Variants in TBC1D5 observed in about 807,000 individuals in gnomAD.
The protein encoded by TBC1D5 is TBC1 domain family, member 5.
In TBC1D5, 75 loss-of-function variants were observed where a neutral mutation model predicts 100.3. The ratio of observed to expected loss-of-function variants is 0.75; its 90% CI spans 0.62 to 0.91. The LOEUF (loss-of-function observed/expected upper bound fraction) is 0.91. TBC1D5 is among the 40% of genes least tolerant of loss of function. The pLI, the probability that TBC1D5 is intolerant of heterozygous loss-of-function variation, is 0.00. For synonymous variants in TBC1D5, 323 were observed against 325.6 expected, an observed-to-expected ratio of 0.99 and a Z score of 0.09; for missense variants, 910 against 942.4, an observed-to-expected ratio of 0.97 and a Z score of 0.45.
At chr3:17,489,732 C>T (rs989382759) in intron 3 of TBC1D5, among the ~76,000 whole-genome samples, 1 of 152,080 alleles carries the variant, frequency 6.6e-6, no homozygotes, top group African/African-American at 2.4e-5. Flanking sequence ...GAATATGTAC[C>T]ACATTTTCTT....
At chr3:17,524,970 C>T (rs1268042691) in intron 2 of TBC1D5, among the ~76,000 whole-genome samples, 1 of 151,768 alleles carries the variant, frequency 6.6e-6, no homozygotes, top group Non-Finnish European at 1.5e-5. Flanking sequence ...ACACAGCATA[C>T]TGAAATCAAC....
chr3:17,688,158 A>C (rs2070592736), intron 1 of TBC1D5, among the ~76,000 whole-genome samples: 1 of 152,102 alleles, frequency 6.6e-6, no homozygotes, highest in Non-Finnish European at 1.5e-5. Flanking sequence ...AGTATTAAAT[A>C]AAAAAATATA....
intron 17 of TBC1D5, among the ~76,000 whole-genome samples, chr3:17,232,092 T>C (rs145193067): frequency 1.3e-5 from 2 of 152,254 alleles, no homozygotes; most frequent in East Asian, 3.9e-4. Flanking sequence ...ATAATTCTAC[T>C]TATATAACAC....
At chr3:17,560,868 C>T (rs1159694194) in intron 2 of TBC1D5, among the ~76,000 whole-genome samples, 1 of 150,944 alleles carries the variant, frequency 6.6e-6, no homozygotes, top group African/African-American at 2.4e-5. Flanking sequence ...TTGCAGTGAG[C>T]AGAGATTACA....
intron 3 of TBC1D5, among the ~76,000 whole-genome samples, chr3:17,506,780 AC>A (rs762798974): frequency 6.6e-6 from 1 of 152,116 alleles, no homozygotes; most frequent in Non-Finnish European, 1.5e-5. Flanking sequence ...AAAAAAAAAA[AC>A]CTCAGTATTT....
At chr3:17,217,521 T>C (rs2073792415) in intron 17 of TBC1D5, among the ~76,000 whole-genome samples, 1 of 152,118 alleles carries the variant, frequency 6.6e-6, no homozygotes, top group Admixed American at 6.6e-5. Context: ...TTTCTCCACA[T>C]GCTTGTCAAC....
chr3:17,533,199 T>C (rs984930802), intron 2 of TBC1D5, among the ~76,000 whole-genome samples: 1 of 152,152 alleles, frequency 6.6e-6, no homozygotes, highest in Non-Finnish European at 1.5e-5. Flanking sequence ...AATCCCTAAA[T>C]CTATTTCCCC....
chr3:17,223,000 G>A (rs1406555183), intron 17 of TBC1D5, among the ~76,000 whole-genome samples: 1 of 151,890 alleles, frequency 6.6e-6, no homozygotes, highest in Non-Finnish European at 1.5e-5. Flanking sequence ...AGCAGTTATA[G>A]CTATTAAATC....
chr3:17,677,243 A>T (rs1452999910), intron 1 of TBC1D5, among the ~76,000 whole-genome samples: 7 of 152,234 alleles, frequency 4.6e-5, no homozygotes, highest in Non-Finnish European at 8.8e-5. Context: ...AAATTTTTGC[A>T]ATCTACTCAT....
intron 2 of TBC1D5, among the ~76,000 whole-genome samples, chr3:17,559,097 A>C (rs2096540378): frequency 6.6e-6 from 1 of 151,646 alleles, no homozygotes; most frequent in African/African-American, 2.4e-5. Flanking sequence ...TAAATAAATA[A>C]ATAAATAAAT....
chr3:17,449,346 T>C (rs2094871783), intron 3 of TBC1D5, among the ~76,000 whole-genome samples: 1 of 152,152 alleles, frequency 6.6e-6, no homozygotes, highest in Admixed American at 6.5e-5. Context: ...AGGAGTTTTT[T>C]TCATACCCTA....
At chr3:17,405,460 G>C (rs1163446235) in intron 5 of TBC1D5, among the ~76,000 whole-genome samples, 1 of 151,934 alleles carries the variant, frequency 6.6e-6, no homozygotes, top group Non-Finnish European at 1.5e-5. Flanking sequence ...TTTAAAGCTG[G>C]CAGTCAGCTT....
chr3:17,676,308 G>A (rs1577394439), intron 1 of TBC1D5, among the ~76,000 whole-genome samples: 2 of 152,024 alleles, frequency 1.3e-5, no homozygotes, highest in South Asian at 4.1e-4. Flanking sequence ...CAAAGTCTCA[G>A]GATACAAACT....
intron 13 of TBC1D5, among the ~76,000 whole-genome samples, chr3:17,310,072 T>G (rs2083844191): frequency 6.6e-6 from 1 of 152,092 alleles, no homozygotes; most frequent in South Asian, 2.1e-4. Context: ...TCACAGATAG[T>G]GCTTTAAGCA....
chr3:17,668,195 T>G (rs2067503330), intron 1 of TBC1D5, among the ~76,000 whole-genome samples: 1 of 149,316 alleles, frequency 6.7e-6, no homozygotes, highest in Non-Finnish European at 1.5e-5. Flanking sequence ...ATCTTAAATC[T>G]CCCACATATT....
intron 15 of TBC1D5, among the ~76,000 whole-genome samples, chr3:17,283,401 G>C (rs1472762028): frequency 6.6e-6 from 1 of 152,120 alleles, no homozygotes; most frequent in Non-Finnish European, 1.5e-5. Flanking sequence ...TGAATGGTCT[G>C]GTTCCCTTGG....
chr3:17,313,106 G>A (rs545564952), intron 13 of TBC1D5, among the ~76,000 whole-genome samples: 7 of 152,172 alleles, frequency 4.6e-5, no homozygotes, highest in South Asian at 2.1e-4. Flanking sequence ...GTATGAACAC[G>A]ATGCACTCTC....
intron 8 of TBC1D5, among the ~76,000 whole-genome samples, chr3:17,395,119 T>C (rs774021759): frequency 6.6e-6 from 1 of 151,900 alleles, no homozygotes; most frequent in African/African-American, 2.4e-5. Context: ...TGACAGGATA[T>C]AAGGTTGGGA....
At chr3:17,293,778 A>T (rs1055688156) in intron 14 of TBC1D5, among the ~76,000 whole-genome samples, 5 of 152,252 alleles carry the variant, frequency 3.3e-5, no homozygotes, top group African/African-American at 1.2e-4. Context: ...TGTAATATCA[A>T]GCAGCTATTA....
Sources: allele counts gnomAD v4.1 joint callset (sites outside exome capture counted in the v4.1 genomes callset), GRCh38; gene constraint gnomAD v4.1.1; transcripts MANE v1.5; gene names NCBI Gene and HGNC (gene_info 2026-07-23, HGNC 2026-07-21).